Variants in FAM8A1 observed in about 807,000 individuals in gnomAD.
FAM8A1 encodes the protein protein FAM8A1.
FAM8A1 carries 18 observed loss-of-function variants against 38.3 expected under a neutral mutation model. That is an observed-to-expected ratio of 0.47 (90% confidence interval 0.33 to 0.70). The LOEUF (loss-of-function observed/expected upper bound fraction) is 0.70, where lower values mean the gene tolerates loss of function less well. FAM8A1 is among the 30% of genes least tolerant of loss of function. The pLI, the probability that FAM8A1 is intolerant of heterozygous loss-of-function variation, is 0.03. For synonymous variants in FAM8A1, 246 were observed against 234.4 expected (o/e 1.05, Z -0.45); for missense variants, 559 against 559.6 (o/e 1.00, Z 0.01).
chr6:17,608,353 C>G lies in FAM8A1; in HGVS notation c.*14C>G, dbSNP rs200515438. ...GGGGTCAGATGATGCCCCCCAAAAC[C>G]CTGATTTCCACACACTAAGACTAAA... is the stretch of plus-strand genomic sequence containing the variant. On this transcript the variant is annotated 3_prime_UTR_variant, in exon 5 of 5. Coordinates refer to ENST00000259963, the MANE Select transcript of FAM8A1 (RefSeq NM_016255.3). The G allele has an allele frequency of 8.7e-4, 1,404 of 1,607,948 alleles. 1 individual carries two copies. The highest frequency in any genetic ancestry group is 1.1e-3 in the Non-Finnish European group (1,322 of 1,177,690).
In FAM8A1 at chr6:17,601,021, C is replaced by G. The variant is rs746764618; in HGVS notation, c.612C>G (p.Pro204=). The change falls in exon 1 of 5, where the codon CCC becomes CCG. Residue 204 remains proline (P), a synonymous_variant. Coordinates refer to ENST00000259963, the MANE Select transcript of FAM8A1 (RefSeq NM_016255.3). The stretch of plus-strand genomic sequence containing the variant: ...CTGCTCCAGTCGCGGGCCTGGGACC[C>G]CGGGCTCCTCACGTGCAGGCGTCGG... ...STPAPVAGLG[P]RAPHVQASVR... 2 of 1,588,292 alleles carry G rather than the reference C, an allele frequency of 1.3e-6. No homozygotes were observed. The highest frequency in any genetic ancestry group is 2.3e-5 in the South Asian group (2 of 87,998).
Position 17,601,141 on chromosome 6 carries a change from G to A in FAM8A1, c.712+20G>A. The A allele has an allele frequency of 6.4e-7, 1 of 1,572,732 alleles. No homozygotes were observed. The highest frequency in any genetic ancestry group is 8.6e-7 in the Non-Finnish European group (1 of 1,162,070). On this transcript the variant is annotated intron_variant, in intron 1 of 4. Transcript: ENST00000259963. ...AGGCAGGTGAGAAGCGCGAGGTGGA[G>A]GCTGGGCGGAGTAGAAGGGTTTTCG...
In FAM8A1 at chr6:17,601,028, C is replaced by T. The variant is rs373031373; in HGVS notation, c.619C>T (p.Pro207Ser). 5.7e-6 allele frequency: 9 copies of T among 1,590,332 alleles called. No homozygotes were observed. Among genetic ancestry groups the T allele is most frequent in the South Asian group, 4.5e-5 (4 of 88,098 alleles). Residue 207 changes from proline (P) to serine (S), a missense_variant, in exon 1 of 5, where the codon CCT becomes TCT. Pro to Ser is a moderately conservative substitution (Grantham distance 74). Coordinates refer to ENST00000259963, the MANE Select transcript of FAM8A1 (RefSeq NM_016255.3). ...AGTCGCGGGCCTGGGACCCCGGGCT[C>T]CTCACGTGCAGGCGTCGGTCCGGGC... ...APVAGLGPRAPHVQASVRATP... is the reference protein window; with the variant it reads ...APVAGLGPRASHVQASVRATP...
At position 17,600,350 on chromosome 6, in the gene FAM8A1, C is replaced by T; in HGVS notation, c.-60C>T. The T allele has an allele frequency of 7.5e-7, 1 of 1,333,088 alleles. No homozygotes were observed. Among genetic ancestry groups the T allele is most frequent in the African/African-American group, 1.5e-5 (1 of 64,900 alleles). The allele number at this position is 1,333,088 out of a possible 1,614,324, so 82.6% of individuals were successfully genotyped here. A position where few individuals can be genotyped will look rare whatever the true frequency, so the allele number is the denominator to read the frequency against. ...TGGTGACGGGGCTGTTGGGGAGGGGCCATTGGGGGAGGGAAACGGAGCAGT... is the reference window on the plus strand; with the variant it reads ...TGGTGACGGGGCTGTTGGGGAGGGGTCATTGGGGGAGGGAAACGGAGCAGT... On this transcript the variant is annotated 5_prime_UTR_variant, in exon 1 of 5. Coordinates refer to ENST00000259963, the MANE Select transcript of FAM8A1 (RefSeq NM_016255.3).
At chr6:17,605,091 AT>A (rs375827436) in intron 3 of FAM8A1, 62 bp downstream of exon 3, 4 of 1,476,414 alleles carry the variant, frequency 2.7e-6, no homozygotes, top group Non-Finnish European at 2.7e-6. Flanking sequence ...TTTTACATTT[AT>A]TTTTTTGAGA....
At position 17,600,887 on chromosome 6, in the gene FAM8A1, C is replaced by A; in HGVS notation, c.478C>A (p.Gln160Lys). 1 of 1,598,520 alleles carries A rather than the reference C, an allele frequency of 6.3e-7. No individual in the cohort carries two copies. Reference protein sequence around the residue: ...SFPSGGAAVPQAAAPPPPQLG... With the variant: ...SFPSGGAAVPKAAAPPPPQLG... ...CCCTTCGGGCGGCGCTGCAGTCCCC[C>A]AGGCCGCGGCGCCGCCGCCCCCGCA... is the stretch of plus-strand genomic sequence containing the variant. The change falls in exon 1 of 5, where the codon CAG becomes AAG. Residue 160 changes from glutamine (Q) to lysine (K), a missense_variant. Physicochemically the swap from Gln to Lys is moderately conservative, Grantham distance 53 (BLOSUM62 1). Around this residue, in one of 2 missense-constraint regions of FAM8A1, gnomAD observed 393 missense variants for 338.9 expected, o/e 1.16. Transcript: ENST00000259963.
chr6:17,611,204 T>C lies in FAM8A1; in HGVS notation c.*2865T>C, dbSNP rs1764139662. 1 of 152,158 alleles carries C rather than the reference T, an allele frequency of 6.6e-6. No homozygotes were observed. Among genetic ancestry groups the C allele is most frequent in the Non-Finnish European group, 1.5e-5 (1 of 67,990 alleles). 9.4% of individuals were successfully genotyped at this position (152,158 alleles called of 1,614,324 possible). On this transcript the variant is annotated 3_prime_UTR_variant, in exon 5 of 5. Coordinates refer to ENST00000259963, the MANE Select transcript of FAM8A1 (RefSeq NM_016255.3). ...GAGCTACTTCGCCCAAATTACAAAA[T>C]GAGTGTTTTTAGATTCAAGTGACAG...
At position 17,600,953 on chromosome 6, in the gene FAM8A1, G is replaced by C; in HGVS notation, c.544G>C (p.Ala182Pro). Residue 182 changes from alanine (A) to proline (P), a missense_variant, in exon 1 of 5, where the codon GCC becomes CCC. Transcript: ENST00000259963. Reference protein sequence around the residue: ...YNPFYFLSPGAAGPDPRTAAG... With the variant: ...YNPFYFLSPGPAGPDPRTAAG... ...CCCCTTCTACTTCCTGAGCCCCGGG[G>C]CCGCGGGGCCTGACCCGCGGACAGC... 6.3e-7 allele frequency: 1 copy of C among 1,592,338 alleles called. No individual in the cohort carries two copies. Among genetic ancestry groups the C allele is most frequent in the Non-Finnish European group, 8.5e-7 (1 of 1,171,766 alleles).
intron 2 of FAM8A1, 119 bp from the exon 3 acceptor site, chr6:17,604,786 GA>G: frequency 1.3e-6 from 1 of 745,684 alleles, no homozygotes; most frequent in Non-Finnish European, 2.1e-6. Context: ...AGATGGTTGG[GA>G]ATCTAAAGAT....
At chr6:17,606,791 G>T (rs1473403659) in intron 4 of FAM8A1, among the ~76,000 whole-genome samples, 1 of 152,096 alleles carries the variant, frequency 6.6e-6, no homozygotes, top group Non-Finnish European at 1.5e-5. Flanking sequence ...GCTGGGGGAA[G>T]GTACAACCAG....
At position 17,606,014 on chromosome 6, in the gene FAM8A1, G is replaced by T. The variant is rs762810325; in HGVS notation, c.1097+1G>T. On this transcript the variant is annotated splice_donor_variant, in intron 4 of 4. Transcript: ENST00000259963. LOFTEE classifies it high-confidence loss of function. ...CTTCCTCAAATGTTAGCATTACAAC[G>T]TAAGTCCTTTTCTTAGCTTAATCTA... 6 of 1,535,620 alleles carry T rather than the reference G, an allele frequency of 3.9e-6. No homozygotes were observed. Among genetic ancestry groups the T allele is most frequent in the Admixed American group, 1.8e-5 (1 of 54,110 alleles).
intron 2 of FAM8A1, 128 bp from the exon 3 acceptor site, chr6:17,604,778 A>T (rs1310675631): frequency 1.4e-6 from 1 of 694,150 alleles, no homozygotes; most frequent in Non-Finnish European, 2.3e-6. Flanking sequence ...ATGATACTAG[A>T]TGGTTGGGAA....
chr6:17,601,847 C>G (rs1176226447), intron 1 of FAM8A1, among the ~76,000 whole-genome samples: 1 of 148,414 alleles, frequency 6.7e-6, no homozygotes, highest in South Asian at 2.1e-4. Context: ...AACTAAAAAA[C>G]GGGTGGGGGG....
intron 2 of FAM8A1, among the ~76,000 whole-genome samples, chr6:17,603,238 C>T (rs1030841707): frequency 1.3e-5 from 2 of 152,192 alleles, no homozygotes; most frequent in African/African-American, 4.8e-5. Context: ...TTCCTGAGTA[C>T]TTTCTATATG....
intron 4 of FAM8A1, among the ~76,000 whole-genome samples, chr6:17,607,317 AAG>A (rs1262166479): frequency 1.3e-5 from 2 of 151,786 alleles, no homozygotes; most frequent in Non-Finnish European, 2.9e-5. Flanking sequence ...TTCTTTTAAT[AAG>A]AGTCAGTAAT....
intron 3 of FAM8A1, among the ~76,000 whole-genome samples, chr6:17,605,564 C>G (rs1014971362): frequency 7.9e-5 from 12 of 151,988 alleles, no homozygotes; most frequent in Non-Finnish European, 1.5e-4. Flanking sequence ...CTTAGAAACT[C>G]AAATAAAATT....
rs759847620 is a variant in FAM8A1, at chr6:17,608,229, A to G, written c.1132A>G (p.Ile378Val). 24 of 1,613,700 alleles carry G rather than the reference A, an allele frequency of 1.5e-5. No homozygotes were observed. Among genetic ancestry groups the G allele is most frequent in the African/African-American group, 2.7e-5 (2 of 74,930 alleles). Reference protein sequence around the residue: ...TIRALIKNFSIASFFPAFITL... With the variant: ...TIRALIKNFSVASFFPAFITL... ...CCGAGCTTTGATCAAGAATTTTTCA[A>G]TTGCTTCTTTTTTCCCTGCTTTCAT... Residue 378 changes from isoleucine to valine, a missense_variant, in exon 5 of 5, where the codon ATT (isoleucine) becomes GTT (valine). Ile to Val is a conservative substitution (Grantham distance 29). Coordinates refer to ENST00000259963, the MANE Select transcript of FAM8A1 (RefSeq NM_016255.3).
In FAM8A1 at chr6:17,600,604, C is replaced by T; in HGVS notation, c.195C>T (p.Asp65=). 1.3e-6 allele frequency: 2 copies of T among 1,496,386 alleles called. No homozygotes were observed. The highest frequency in any genetic ancestry group is 3.0e-5 in the African/African-American group (2 of 67,790). The allele number at this position is 1,496,386 out of a possible 1,614,324, so 92.7% of individuals were successfully genotyped here. The part of the protein sequence containing the change: ...APGLAAAAAA[D]KLEPPRELRK... ...GCCTCGCGGCTGCCGCCGCAGCCGA[C>T]AAATTGGAGCCGCCGCGCGAGCTCA... is the stretch of plus-strand genomic sequence containing the variant. Residue 65 remains aspartate (D), a synonymous_variant, in exon 1 of 5, where the codon GAC becomes GAT. Coordinates refer to ENST00000259963, the MANE Select transcript of FAM8A1 (RefSeq NM_016255.3).
chr6:17,604,735 T>C (rs1010337259), intron 2 of FAM8A1, among the ~76,000 whole-genome samples, 171 bp from the exon 3 acceptor site: 10 of 152,148 alleles, frequency 6.6e-5, no homozygotes, highest in Non-Finnish European at 1.3e-4. Flanking sequence ...ATGATAATGC[T>C]GCTTATTTGT....
Sources: gnomAD v4.1 joint callset for allele counts (sites outside exome capture counted in the v4.1 genomes callset) on GRCh38, gnomAD v4.1.1 for gene constraint, gnomAD v4.1.1 regional missense constraint, MANE v1.5 for transcripts, NCBI Gene and HGNC (gene_info 2026-07-23, HGNC 2026-07-21) for gene names.